The following THEMIS variants were observed in gnomAD, a reference collection of about 807,000 sequenced individuals.
THEMIS encodes the protein protein THEMIS.
THEMIS carries 37 observed loss-of-function variants against 52.6 expected under a neutral mutation model. The observed-to-expected ratio is 0.70, with a 90% confidence interval of 0.54 to 0.93. THEMIS has a LOEUF of 0.93. Among genes scored for constraint, THEMIS ranks in the 40% least tolerant of loss-of-function variants. The pLI is 0.00. For missense variants in THEMIS, 808 were observed against 763.1 expected (o/e 1.06, Z -0.69); for synonymous variants, 292 against 272.7 (o/e 1.07, Z -0.70).
chr6:127,792,316 C>T (rs1024544472), intron 4 of THEMIS, among the ~76,000 whole-genome samples: 9 of 152,298 alleles, frequency 5.9e-5, no homozygotes, highest in Non-Finnish European at 8.8e-5. Context: ...CATAAGTACC[C>T]GTGTTCTGTT....
chr6:127,911,836 G>A (rs1234113766), intron 1 of THEMIS, among the ~76,000 whole-genome samples: 1 of 151,502 alleles, frequency 6.6e-6, no homozygotes, highest in Non-Finnish European at 1.5e-5. Context: ...CCCACACAGA[G>A]TCCCCACTGG....
At chr6:127,734,913 ATGTGTG>A (rs67013117) in intron 4 of THEMIS, among the ~76,000 whole-genome samples, 13 of 106,454 alleles carry the variant, frequency 1.2e-4, no homozygotes, top group Admixed American at 2.2e-4. Context: ...ATATATATAT[ATGTGTG>A]TGTGTGTGTG....
At chr6:127,808,795 G>C (rs1246091226) in intron 4 of THEMIS, among the ~76,000 whole-genome samples, 1 of 152,008 alleles carries the variant, frequency 6.6e-6, no homozygotes, top group Non-Finnish European at 1.5e-5. Context: ...GCTAAAGCTG[G>C]AGAACAGTTG....
At chr6:127,831,060 CT>C (rs1778685481) in intron 2 of THEMIS, among the ~76,000 whole-genome samples, 1 of 152,168 alleles carries the variant, frequency 6.6e-6, no homozygotes, top group African/African-American at 2.4e-5. Flanking sequence ...ACTGACTGCT[CT>C]TGACTATATG....
chr6:127,767,697 C>G (rs1461851443), intron 4 of THEMIS, among the ~76,000 whole-genome samples: 1 of 152,074 alleles, frequency 6.6e-6, no homozygotes. Context: ...GGAATATACT[C>G]TAGAATAATG....
chr6:127,856,849 A>G (rs1029168828), intron 1 of THEMIS, among the ~76,000 whole-genome samples: 14 of 151,926 alleles, frequency 9.2e-5, no homozygotes, highest in African/African-American at 3.4e-4. Context: ...TTTTCCCCCA[A>G]TTGACTCTGA....
At chr6:127,808,330 T>C (rs1777789234) in intron 4 of THEMIS, among the ~76,000 whole-genome samples, 1 of 152,168 alleles carries the variant, frequency 6.6e-6, no homozygotes, top group African/African-American at 2.4e-5. Context: ...CCCCAGTGAG[T>C]ATATGTTCTT....
chr6:127,895,041 C>T (rs1191162308), intron 1 of THEMIS, among the ~76,000 whole-genome samples: 2 of 149,408 alleles, frequency 1.3e-5, no homozygotes, highest in African/African-American at 2.4e-5. Context: ...ATGAAAGGAT[C>T]CTCCAACATT....
intron 1 of THEMIS, among the ~76,000 whole-genome samples, chr6:127,909,236 C>T (rs1422633548): frequency 6.6e-6 from 1 of 151,972 alleles, no homozygotes; most frequent in Non-Finnish European, 1.5e-5. Context: ...TCACCTGGTG[C>T]CACTAGACTG....
intron 4 of THEMIS, among the ~76,000 whole-genome samples, chr6:127,763,105 A>G (rs1319287366): frequency 6.6e-6 from 1 of 151,970 alleles, no homozygotes; most frequent in Admixed American, 6.6e-5. Flanking sequence ...TCTCTTACCT[A>G]TTAGCTTGAG....
intron 4 of THEMIS, among the ~76,000 whole-genome samples, chr6:127,790,814 A>G (rs1472991642): frequency 6.6e-6 from 1 of 152,164 alleles, no homozygotes; most frequent in Non-Finnish European, 1.5e-5. Context: ...ACAGCCAGGC[A>G]CTCTGGCTGC....
intron 2 of THEMIS, 53 bp downstream of exon 2, chr6:127,854,977 A>C: frequency 6.7e-7 from 1 of 1,481,742 alleles, no homozygotes; most frequent in Non-Finnish European, 9.0e-7. Flanking sequence ...GTATATATAC[A>C]TATTAATAAC....
chr6:127,911,498 A>G (rs1418326056), intron 1 of THEMIS, among the ~76,000 whole-genome samples: 1 of 151,186 alleles, frequency 6.6e-6, no homozygotes, highest in Non-Finnish European at 1.5e-5. Flanking sequence ...TACTGCTTTT[A>G]AAACTTATTT....
At chr6:127,835,014 A>G (rs1778829059) in intron 2 of THEMIS, among the ~76,000 whole-genome samples, 1 of 152,180 alleles carries the variant, frequency 6.6e-6, no homozygotes, top group East Asian at 1.9e-4. Flanking sequence ...AGAATGTGAG[A>G]AATTGTTATT....
intron 1 of THEMIS, among the ~76,000 whole-genome samples, chr6:127,892,497 G>A (rs1212405892): frequency 1.3e-5 from 2 of 152,160 alleles, no homozygotes; most frequent in East Asian, 3.9e-4. Context: ...AGCTCCGAGA[G>A]GGGAGGGCTT....
Position 127,813,000 on chromosome 6 carries a change from T to A in THEMIS, c.1641A>T (p.Glu547Asp). 3 of 1,614,022 alleles carry A rather than the reference T, an allele frequency of 1.9e-6. No homozygotes were observed. Among genetic ancestry groups the A allele is most frequent in the Non-Finnish European group, 2.5e-6 (3 of 1,179,992 alleles). ...EEQYYMMRRY[E>D]SSASHPPPRP... The stretch of plus-strand genomic sequence containing the variant: ...GAGGTGGGGGATGTGAGGCTGAGCT[T>A]TCATATCTCCGCATCATGTAATATT... The change falls in exon 4 of 6, where the codon GAA (glutamate) becomes GAT (aspartate). Residue 547 changes from glutamate to aspartate, a missense_variant. Transcript: ENST00000368248.
At chr6:127,889,972 C>T (rs1780754367) in intron 1 of THEMIS, among the ~76,000 whole-genome samples, 2 of 152,070 alleles carry the variant, frequency 1.3e-5, no homozygotes, top group Admixed American at 1.3e-4. Flanking sequence ...TAGAGTGACA[C>T]GTCTTCTATT....
chr6:127,782,365 T>C (rs1169788018), intron 4 of THEMIS, among the ~76,000 whole-genome samples: 1 of 152,182 alleles, frequency 6.6e-6, no homozygotes, highest in Non-Finnish European at 1.5e-5. Flanking sequence ...CTCCTGCAGC[T>C]AGCTCAGTGT....
intron 4 of THEMIS, among the ~76,000 whole-genome samples, chr6:127,721,956 T>A (rs1774377851): frequency 6.6e-6 from 1 of 152,006 alleles, no homozygotes; most frequent in Non-Finnish European, 1.5e-5. Flanking sequence ...TATTCTAATA[T>A]ATTCCAGACT....
Sources: allele counts gnomAD v4.1 joint callset (sites outside exome capture counted in the v4.1 genomes callset), GRCh38; gene constraint gnomAD v4.1.1; transcripts MANE v1.5; gene names NCBI Gene and HGNC (gene_info 2026-07-23, HGNC 2026-07-21).